The following GHR variants were observed in gnomAD, a reference collection of about 807,000 sequenced individuals.
GHR encodes the protein GH receptor.
In GHR, 35 loss-of-function variants were observed where a neutral mutation model predicts 67.1. The ratio of observed to expected loss-of-function variants is 0.52; its 90% CI spans 0.40 to 0.69. The LOEUF (loss-of-function observed/expected upper bound fraction) is 0.69, where lower values mean the gene tolerates loss of function less well. GHR is among the 30% of genes least tolerant of loss of function. GHR has a pLI of 0.00. For synonymous variants in GHR, 272 were observed against 269.1 expected (o/e 1.01, Z -0.10); for missense variants, 792 against 764.6 (o/e 1.04, Z -0.42).
chr5:42,718,411 G>T, intron 9 of GHR, 42 bp from the exon 10 acceptor site: 2 of 1,395,498 alleles, frequency 1.4e-6, no homozygotes, highest in South Asian at 1.2e-5. Context: ...TAATTATTAT[G>T]AGTTTCTTTT....
chr5:42,506,146 A>G (rs1746768389), intron 1 of GHR, among the ~76,000 whole-genome samples: 3 of 152,176 alleles, frequency 2.0e-5, no homozygotes, highest in Non-Finnish European at 4.4e-5. Flanking sequence ...GAGACAGATA[A>G]CCTTGTCTTG....
intron 1 of GHR, among the ~76,000 whole-genome samples, chr5:42,464,228 G>A (rs528192961): frequency 2.0e-4 from 30 of 152,136 alleles, no homozygotes; most frequent in African/African-American, 6.5e-4. Flanking sequence ...GAACATTTAC[G>A]ATGTACATGA....
chr5:42,548,229 G>A (rs1422753332), intron 1 of GHR: 5 of 984,760 alleles, frequency 5.1e-6, no homozygotes, highest in Non-Finnish European at 6.0e-6. Flanking sequence ...GTGTGTGTGT[G>A]CATGAGAGAG....
chr5:42,664,543 G>T (rs1214814442), intron 3 of GHR, among the ~76,000 whole-genome samples: 1 of 152,190 alleles, frequency 6.6e-6, no homozygotes, highest in Non-Finnish European at 1.5e-5. Context: ...CTAGCCATAT[G>T]TAGAAAGCTG....
In GHR at chr5:42,493,150, C is replaced by T. The variant is rs570768235; in HGVS notation, c.-12+69195C>T. ...GAGTGATTGGGGCGTTTTCTGGTTT[C>T]AGTGATTCTGTAGGCAGAAAACAGT... On this transcript the variant is annotated intron_variant, in intron 1 of 9. Transcript: ENST00000230882. 4.1e-4 allele frequency among the ~76,000 whole-genome samples: 63 copies of T among 152,232 alleles called. 1 individual carries two copies. Among genetic ancestry groups the T allele is most frequent in the African/African-American group, 1.5e-3 (61 of 41,548 alleles).
intron 1 of GHR, among the ~76,000 whole-genome samples, chr5:42,502,304 C>T (rs537277219): frequency 1.3e-5 from 2 of 152,090 alleles, no homozygotes; most frequent in South Asian, 4.2e-4. Context: ...TGGCAATGTT[C>T]AAGGTTTTAG....
chr5:42,550,018 A>G (rs2112414951), intron 1 of GHR: 1 of 661,356 alleles, frequency 1.5e-6, no homozygotes, highest in Non-Finnish European at 1.9e-6. Context: ...GGGAAGGCCA[A>G]AGAGCCAGGT....
chr5:42,569,858 T>A (rs1750180091), intron 2 of GHR, among the ~76,000 whole-genome samples: 2 of 152,226 alleles, frequency 1.3e-5, no homozygotes, highest in South Asian at 4.2e-4. Context: ...GTTATATCAT[T>A]CTGTACCATT....
chr5:42,579,162 A>AGAT (rs1491113788), intron 2 of GHR, among the ~76,000 whole-genome samples: 1 of 119,452 alleles, frequency 8.4e-6, no homozygotes, highest in Non-Finnish European at 1.9e-5. Context: ...ATAGATAGAT[A>AGAT]GATAGATAGA....
intron 3 of GHR, among the ~76,000 whole-genome samples, chr5:42,657,883 G>T (rs189867497): frequency 6.6e-6 from 1 of 152,150 alleles, no homozygotes; most frequent in East Asian, 1.9e-4. Flanking sequence ...ATAGTAGCTG[G>T]GTATTCTTCT....
chr5:42,557,561 A>C (rs1749377616), intron 1 of GHR, among the ~76,000 whole-genome samples: 1 of 152,152 alleles, frequency 6.6e-6, no homozygotes, highest in African/African-American at 2.4e-5. Context: ...TGATTTTTTT[A>C]TTAAAAAGGG....
At chr5:42,688,806 T>C in intron 3 of GHR, 84 bp from the exon 4 acceptor site, 7 of 1,268,306 alleles carry the variant, frequency 5.5e-6, no homozygotes, top group Non-Finnish European at 8.1e-6. Flanking sequence ...CAGTAGTTTC[T>C]TCACACACTT....
chr5:42,629,432 G>T (rs1402371825), intron 3 of GHR, among the ~76,000 whole-genome samples: 2 of 130,384 alleles, frequency 1.5e-5, no homozygotes, highest in Non-Finnish European at 3.2e-5. Flanking sequence ...GTTCTCATGA[G>T]ATCTGGTTGT....
Position 42,720,675 on chromosome 5 carries a change from G to C in GHR, c.*1251G>C, listed in dbSNP as rs1758976186. ...TTTTCATGATAATGAACAGAACATA[G>C]ACAGAAGAAACAAGGTTTTCAGTCC... On this transcript the variant is annotated 3_prime_UTR_variant, in exon 10 of 10. Coordinates refer to ENST00000230882, the MANE Select transcript of GHR (RefSeq NM_000163.5). 6.6e-6 allele frequency: 1 copy of C among 152,096 alleles called. No homozygotes were observed. The highest frequency in any genetic ancestry group is 2.4e-5 in the African/African-American group (1 of 41,426). The allele number at this position is 152,096 out of a possible 1,614,324, so 9.4% of individuals were successfully genotyped here.
intron 1 of GHR, among the ~76,000 whole-genome samples, chr5:42,434,074 C>T (rs923946858): frequency 1.3e-5 from 2 of 152,104 alleles, no homozygotes; most frequent in Non-Finnish European, 2.9e-5. Context: ...CTTTCTTAAA[C>T]AATGTTCCAA....
intron 1 of GHR, among the ~76,000 whole-genome samples, chr5:42,509,207 G>A (rs1440136505): frequency 6.6e-6 from 1 of 152,090 alleles, no homozygotes; most frequent in Non-Finnish European, 1.5e-5. Context: ...ACACCTGAGA[G>A]TTCAATGTTA....
intron 3 of GHR, among the ~76,000 whole-genome samples, chr5:42,635,467 C>T (rs2112767247): frequency 6.6e-6 from 1 of 152,282 alleles, no homozygotes; most frequent in Admixed American, 6.5e-5. Flanking sequence ...AAGCATACAA[C>T]TATATTAATA....
chr5:42,445,495 A>G (rs1016587668), intron 1 of GHR, among the ~76,000 whole-genome samples: 3 of 152,188 alleles, frequency 2.0e-5, no homozygotes, highest in African/African-American at 7.2e-5. Context: ...TAGTCTGAGT[A>G]TGTTCTGCCT....
At chr5:42,471,715 A>T (rs904178348) in intron 1 of GHR, among the ~76,000 whole-genome samples, 1 of 152,236 alleles carries the variant, frequency 6.6e-6, no homozygotes, top group African/African-American at 2.4e-5. Context: ...CAAGTACTAT[A>T]CGTCTTTGTT....
Sources: allele counts gnomAD v4.1 joint callset (sites outside exome capture counted in the v4.1 genomes callset), GRCh38; gene constraint gnomAD v4.1.1; transcripts MANE v1.5; gene names NCBI Gene and HGNC (gene_info 2026-07-23, HGNC 2026-07-21).